CNTN3: variants seen among roughly 807,000 people sequenced by gnomAD.
CNTN3 encodes contactin-3.
Under a neutral mutation model 119.1 loss-of-function variants are expected in CNTN3, and 60 were observed. The observed-to-expected ratio is 0.50, with a 90% confidence interval of 0.41 to 0.62. The LOEUF (loss-of-function observed/expected upper bound fraction) is 0.62, where lower values mean the gene tolerates loss of function less well. Among genes scored for constraint, CNTN3 ranks in the 20% least tolerant of loss-of-function variants. The probability of loss-of-function intolerance (pLI) is 0.00; values close to 1 mark genes in which losing one functional copy is unlikely to be tolerated. For synonymous variants in CNTN3, 450 were observed against 438.7 expected (o/e 1.03, Z -0.32); for missense variants, 1,101 against 1,242.4 (o/e 0.89, Z 1.71).
chr3:74,463,217 G>A (rs755468778), intron 4 of CNTN3, among the ~76,000 whole-genome samples: 6 of 152,082 alleles, frequency 3.9e-5, no homozygotes, highest in Non-Finnish European at 7.4e-5. Flanking sequence ...TTTGTATGTT[G>A]TGTATGTCTC....
chr3:74,292,951 T>A (rs1412830037), intron 19 of CNTN3, among the ~76,000 whole-genome samples: 1 of 152,142 alleles, frequency 6.6e-6, no homozygotes, highest in African/African-American at 2.4e-5. Context: ...CATCCAGCTG[T>A]TCCTGGCTTC....
chr3:74,274,898 C>T (rs539630810), intron 20 of CNTN3, among the ~76,000 whole-genome samples: 8 of 151,830 alleles, frequency 5.3e-5, no homozygotes, highest in African/African-American at 1.4e-4. Context: ...CAAGGAAATC[C>T]AAAAAATGAA....
At chr3:74,365,845 T>G in intron 8 of CNTN3, 143 bp from the exon 9 acceptor site, 1 of 933,906 alleles carries the variant, frequency 1.1e-6, no homozygotes, top group East Asian at 2.7e-5. Context: ...GAGGCTAGAA[T>G]TATATTTTAT....
At chr3:74,376,922 A>C (rs1704488926) in intron 5 of CNTN3, among the ~76,000 whole-genome samples, 1 of 141,296 alleles carries the variant, frequency 7.1e-6, no homozygotes, top group Admixed American at 7.7e-5. Flanking sequence ...AACAAACAAA[A>C]AAAACAGATG....
intron 1 of CNTN3, among the ~76,000 whole-genome samples, chr3:74,547,288 A>C (rs1214205410): frequency 2.0e-5 from 3 of 152,268 alleles, no homozygotes; most frequent in Non-Finnish European, 2.9e-5. Context: ...TAATTCTAAC[A>C]CTTCATTTTT....
At chr3:74,344,893 AAACAAT>A (rs1441143980) in intron 11 of CNTN3, among the ~76,000 whole-genome samples, 1 of 151,468 alleles carries the variant, frequency 6.6e-6, no homozygotes. Flanking sequence ...ACACACACAC[AAACAAT>A]AACAGTTTTC....
chr3:74,574,042 C>A (rs1456867013), intron 1 of CNTN3, among the ~76,000 whole-genome samples: 1 of 152,000 alleles, frequency 6.6e-6, no homozygotes, highest in East Asian at 1.9e-4. Flanking sequence ...GTGGAAACAA[C>A]CCAAATGTCA....
At chr3:74,425,223 T>A (rs1194508070) in intron 4 of CNTN3, among the ~76,000 whole-genome samples, 1 of 152,094 alleles carries the variant, frequency 6.6e-6, no homozygotes, top group African/African-American at 2.4e-5. Flanking sequence ...AGTTTTCTAA[T>A]CCTTACCCCT....
At chr3:74,442,720 G>A (rs1701987346) in intron 4 of CNTN3, among the ~76,000 whole-genome samples, 1 of 152,114 alleles carries the variant, frequency 6.6e-6, no homozygotes, top group African/African-American at 2.4e-5. Context: ...TATAATAATA[G>A]CTCACATTTA....
At chr3:74,361,725 T>C (rs1301492034) in intron 11 of CNTN3, among the ~76,000 whole-genome samples, 165 bp downstream of exon 11, 1 of 152,218 alleles carries the variant, frequency 6.6e-6, no homozygotes, top group African/African-American at 2.4e-5. Flanking sequence ...AACTGAATAC[T>C]CTTACAAAGG....
intron 5 of CNTN3, among the ~76,000 whole-genome samples, chr3:74,378,715 C>T (rs1704540757): frequency 6.6e-6 from 1 of 152,156 alleles, no homozygotes; most frequent in Admixed American, 6.5e-5. Flanking sequence ...CTGCATGGTT[C>T]GTAAAGCTTA....
chr3:74,556,458 C>T (rs936977758), intron 1 of CNTN3, among the ~76,000 whole-genome samples: 1 of 152,128 alleles, frequency 6.6e-6, no homozygotes, highest in Non-Finnish European at 1.5e-5. Context: ...AAGGTACATT[C>T]ATGAAATGTT....
At chr3:74,595,280 A>G (rs1323164112) in intron 1 of CNTN3, among the ~76,000 whole-genome samples, 1 of 151,520 alleles carries the variant, frequency 6.6e-6, no homozygotes, top group African/African-American at 2.4e-5. Context: ...TTTGCTGTGC[A>G]GAAGCTCTTT....
Position 74,596,057 on chromosome 3 carries a change from G to C in CNTN3, c.-81+18334C>G, listed in dbSNP as rs533555586. On this transcript the variant is annotated intron_variant, in intron 1 of 22. Transcript: ENST00000263665. The stretch of plus-strand genomic sequence containing the variant: ...CTTATACACCAAAAACAGACAGAGA[G>C]CCAAATCATGAGTGAACTCCCATTC... 6.4e-3 allele frequency among the ~76,000 whole-genome samples: 969 copies of C among 152,182 alleles called. 5 individuals are homozygous for C. The highest frequency in any genetic ancestry group is 0.022 in the African/African-American group (918 of 41,550).
At chr3:74,470,018 G>T (rs528139654) in intron 4 of CNTN3, among the ~76,000 whole-genome samples, 8 of 152,002 alleles carry the variant, frequency 5.3e-5, no homozygotes, top group Non-Finnish European at 2.9e-5. Flanking sequence ...AATATTATTC[G>T]GCAATAAACA....
intron 13 of CNTN3, among the ~76,000 whole-genome samples, chr3:74,316,057 C>G (rs925492440): frequency 6.6e-6 from 1 of 152,100 alleles, no homozygotes; most frequent in Non-Finnish European, 1.5e-5. Flanking sequence ...AGGGCATAAA[C>G]TTACAGAATG....
intron 13 of CNTN3, among the ~76,000 whole-genome samples, chr3:74,303,260 A>T (rs139056833): frequency 6.6e-6 from 1 of 152,288 alleles, no homozygotes; most frequent in Non-Finnish European, 1.5e-5. Flanking sequence ...GCGGATTACC[A>T]TGGTTGAAAC....
intron 4 of CNTN3, among the ~76,000 whole-genome samples, chr3:74,435,114 T>C (rs1194209206): frequency 6.6e-6 from 1 of 152,194 alleles, no homozygotes; most frequent in Non-Finnish European, 1.5e-5. Flanking sequence ...AAACCCAGTC[T>C]TTCTCTTCCC....
intron 5 of CNTN3, among the ~76,000 whole-genome samples, chr3:74,375,887 A>G (rs900277046): frequency 1.3e-5 from 2 of 152,206 alleles, no homozygotes; most frequent in African/African-American, 4.8e-5. Context: ...CAAGAGCAAT[A>G]GGGAAGTAAT....
Sources: allele counts gnomAD v4.1 joint callset (sites outside exome capture counted in the v4.1 genomes callset), GRCh38; gene constraint gnomAD v4.1.1; transcripts MANE v1.5; gene names NCBI Gene and HGNC (gene_info 2026-07-23, HGNC 2026-07-21).